Variants in THSD7A observed in about 807,000 individuals in gnomAD.
THSD7A encodes thrombospondin type-1 domain-containing protein 7A.
A neutral mutation model predicts 231.3 loss-of-function variants in THSD7A; 96 were observed. The ratio of observed to expected loss-of-function variants is 0.41; its 90% CI spans 0.35 to 0.49. THSD7A has a LOEUF of 0.49. Ranked by LOEUF, THSD7A falls within the 20% of genes least tolerant of loss-of-function variation. The pLI is 0.05. For synonymous variants in THSD7A, 940 were observed against 743.3 expected, an observed-to-expected ratio of 1.26 and a Z score of -4.30; for missense variants, 2,290 against 2,070.2, an observed-to-expected ratio of 1.11 and a Z score of -2.06.
At chr7:11,614,738 T>C (rs1781049334) in intron 2 of THSD7A, among the ~76,000 whole-genome samples, 1 of 152,200 alleles carries the variant, frequency 6.6e-6, no homozygotes, top group Admixed American at 6.5e-5. Flanking sequence ...TATTTTTTAC[T>C]CACTATTTCC....
chr7:11,390,456 G>A (rs796139008), intron 23 of THSD7A, among the ~76,000 whole-genome samples: 29 of 152,248 alleles, frequency 1.9e-4, no homozygotes, highest in African/African-American at 6.7e-4. Flanking sequence ...GCTCCATCAG[G>A]TCATTTATGT....
intron 1 of THSD7A, among the ~76,000 whole-genome samples, chr7:11,654,466 T>C (rs1001187679): frequency 3.9e-5 from 6 of 151,986 alleles, no homozygotes; most frequent in Non-Finnish European, 7.4e-5. Flanking sequence ...ATTTTATCTC[T>C]AACTAGAAAA....
chr7:11,651,492 T>TATC (rs1264829090), intron 1 of THSD7A, among the ~76,000 whole-genome samples: 621 of 49,756 alleles, frequency 0.012, 3 homozygotes, highest in African/African-American at 0.023. Context: ...ATCAACTATC[T>TATC]ATCTATCTAT....
chr7:11,771,678 G>A (rs1208951784), intron 1 of THSD7A, among the ~76,000 whole-genome samples: 3 of 151,648 alleles, frequency 2.0e-5, no homozygotes, highest in Non-Finnish European at 2.9e-5. Flanking sequence ...AAAAGCATAC[G>A]AAAAAATACT....
intron 2 of THSD7A, among the ~76,000 whole-genome samples, chr7:11,608,845 G>A (rs907036141): frequency 9.9e-5 from 15 of 151,746 alleles, no homozygotes; most frequent in Non-Finnish European, 1.9e-4. Context: ...AACAGAATTC[G>A]CCATCTTCCC....
intron 5 of THSD7A, 60 bp downstream of exon 5, chr7:11,542,902 T>G: frequency 6.5e-7 from 1 of 1,528,182 alleles, no homozygotes; most frequent in Non-Finnish European, 8.9e-7. Context: ...ATTTTAAAAA[T>G]AATTCATGAT....
At chr7:11,542,208 A>T (rs1352052662) in intron 5 of THSD7A, among the ~76,000 whole-genome samples, 1 of 152,238 alleles carries the variant, frequency 6.6e-6, no homozygotes, top group Non-Finnish European at 1.5e-5. Context: ...TGTGGGCTCC[A>T]GTGTGAAATA....
At chr7:11,663,489 C>G (rs778682891) in intron 1 of THSD7A, among the ~76,000 whole-genome samples, 15 of 151,452 alleles carry the variant, frequency 9.9e-5, no homozygotes, top group Non-Finnish European at 1.6e-4. Flanking sequence ...GATAATTTAA[C>G]TTCAAAAATA....
At chr7:11,628,095 T>C (rs1037359704) in intron 2 of THSD7A, among the ~76,000 whole-genome samples, 3 of 152,164 alleles carry the variant, frequency 2.0e-5, no homozygotes, top group Non-Finnish European at 2.9e-5. Flanking sequence ...GTATGCAATA[T>C]ACTTTTATAA....
At chr7:11,518,843 A>C (rs1487968090) in intron 6 of THSD7A, among the ~76,000 whole-genome samples, 1 of 152,228 alleles carries the variant, frequency 6.6e-6, no homozygotes, top group East Asian at 1.9e-4. Context: ...ACTATAAATG[A>C]AATCAGAGTT....
At chr7:11,393,579 C>A (rs371110491) in intron 23 of THSD7A, among the ~76,000 whole-genome samples, 1 of 152,104 alleles carries the variant, frequency 6.6e-6, no homozygotes, top group Non-Finnish European at 1.5e-5. Flanking sequence ...TAAAGGAACA[C>A]GTTCTAACAA....
intron 1 of THSD7A, among the ~76,000 whole-genome samples, chr7:11,705,165 A>G (rs144663970): frequency 1.3e-5 from 2 of 151,176 alleles, no homozygotes; most frequent in East Asian, 2.0e-4. Flanking sequence ...ATTTGAGAAC[A>G]TTGTTTCAAA....
At position 11,827,868 on chromosome 7, in the gene THSD7A, C is replaced by A. The variant is rs148933797; in HGVS notation, c.190+3889G>T. Among the ~76,000 whole-genome samples, 630 of 152,206 alleles carry A rather than the reference C, an allele frequency of 4.1e-3. 3 individuals carry two copies. The highest frequency in any genetic ancestry group is 0.014 in the African/African-American group (596 of 41,550). ...GCAATCTGTTCTTCCTTTTTTCATA[C>A]CCTGTACCTCCTTTACTGACTACAG... On this transcript the variant is annotated intron_variant, in intron 1 of 27. Transcript: ENST00000423059.
intron 17 of THSD7A, among the ~76,000 whole-genome samples, chr7:11,414,377 C>T (rs1480310910): frequency 6.6e-6 from 1 of 152,210 alleles, no homozygotes; most frequent in Admixed American, 6.5e-5. Flanking sequence ...ATTGCACATG[C>T]ATACTCTTTG....
At chr7:11,698,972 AT>A (rs58228910) in intron 1 of THSD7A, among the ~76,000 whole-genome samples, 6,419 of 142,640 alleles carry the variant, frequency 0.045, 348 homozygotes, top group African/African-American at 0.15. Flanking sequence ...AATGTCACTG[AT>A]TTTTTTTTTT....
Position 11,474,029 on chromosome 7 carries a change from C to G in THSD7A, c.2252+305G>C, listed in dbSNP as rs747218177. ...GACCTAGTACACTGTCATTATTGAT[C>G]AGCCAGGCTTACGGCAAGCACTTCT... is the stretch of plus-strand genomic sequence containing the variant. On this transcript the variant is annotated intron_variant, in intron 8 of 27. Transcript: ENST00000423059. The surrounding 1 kb of genome is among the most constrained non-coding windows in gnomAD (Gnocchi z 4.1). Among the ~76,000 whole-genome samples, 4 of 152,118 alleles carry G rather than the reference C, an allele frequency of 2.6e-5. No individual in the cohort carries two copies.
chr7:11,636,475 T>C lies in THSD7A; in HGVS notation c.677A>G (p.Gln226Arg), dbSNP rs1292140051. The change falls in exon 2 of 28, where the codon CAG (glutamine) becomes CGG (arginine). Residue 226 changes from glutamine (Q) to arginine (R), a missense_variant. Physicochemically the swap from Gln to Arg is conservative, Grantham distance 43. Transcript: ENST00000423059. The surrounding 1 kb of genome is among the most constrained non-coding windows in gnomAD (Gnocchi z 10.0). ...GTTTGGACAGCCAGAGCCTCCGAAC[T>C]GCGGGGGCGCCACCACATGACGCGT... ...HRTRHVVAPPQFGGSGCPNLT... is the reference protein window; with the variant it reads ...HRTRHVVAPPRFGGSGCPNLT... 1 of 1,613,768 alleles carries C rather than the reference T, an allele frequency of 6.2e-7. No homozygotes were observed. The highest frequency in any genetic ancestry group is 1.7e-5 in the Admixed American group (1 of 60,000).
At chr7:11,486,672 G>A (rs2128306214) in intron 6 of THSD7A, among the ~76,000 whole-genome samples, 1 of 152,266 alleles carries the variant, frequency 6.6e-6, no homozygotes, top group Non-Finnish European at 1.5e-5. Flanking sequence ...CAAACATTTA[G>A]AATCCTCCTT....
chr7:11,730,229 A>T (rs1405842575), intron 1 of THSD7A, among the ~76,000 whole-genome samples: 1 of 151,704 alleles, frequency 6.6e-6, no homozygotes, highest in Non-Finnish European at 1.5e-5. Flanking sequence ...ATTAAAATTT[A>T]AAAATGAAGC....
Sources: allele counts gnomAD v4.1 joint callset (sites outside exome capture counted in the v4.1 genomes callset), GRCh38; gene constraint gnomAD v4.1.1; non-coding constraint Gnocchi (gnomAD v3.1); transcripts MANE v1.5; gene names NCBI Gene and HGNC (gene_info 2026-07-23, HGNC 2026-07-21).